XIRP2: variants seen among roughly 807,000 people sequenced by gnomAD.
The protein encoded by XIRP2 is xin actin binding repeat containing 2.
XIRP2 carries 236 observed loss-of-function variants against 277.0 expected under a neutral mutation model. That is an observed-to-expected ratio of 0.85 (90% confidence interval 0.77 to 0.95). XIRP2 has a LOEUF of 0.95. XIRP2 is among the 40% of genes least tolerant of loss of function. The pLI, the probability that XIRP2 is intolerant of heterozygous loss-of-function variation, is 0.00. For missense variants in XIRP2, 4,640 were observed against 4,157.5 expected (o/e 1.12, Z -3.19); for synonymous variants, 1,490 against 1,416.5 (o/e 1.05, Z -1.17).
chr2:167,069,120 G>A (rs2105248558), intron 2 of XIRP2, among the ~76,000 whole-genome samples: 1 of 152,182 alleles, frequency 6.6e-6, no homozygotes, highest in South Asian at 2.1e-4. Flanking sequence ...ACATCCTTCT[G>A]TATACTTTAA....
intron 2 of XIRP2, among the ~76,000 whole-genome samples, chr2:167,133,544 C>A (rs1691446660): frequency 6.6e-6 from 1 of 152,198 alleles, no homozygotes; most frequent in African/African-American, 2.4e-5. Flanking sequence ...GAAATTTAAT[C>A]AAATCACATT....
At chr2:167,174,653 T>C (rs1446274256) in intron 3 of XIRP2, among the ~76,000 whole-genome samples, 2 of 152,188 alleles carry the variant, frequency 1.3e-5, no homozygotes, top group African/African-American at 4.8e-5. Flanking sequence ...TGTCTTCTGC[T>C]AGCTTTTGAA....
At chr2:166,977,323 G>T (rs544305781) in intron 2 of XIRP2, among the ~76,000 whole-genome samples, 1 of 151,992 alleles carries the variant, frequency 6.6e-6, no homozygotes, top group Non-Finnish European at 1.5e-5. Context: ...ACCCATTCTC[G>T]CAGTCAGCAT....
intron 2 of XIRP2, among the ~76,000 whole-genome samples, chr2:167,123,437 G>C (rs1321972296): frequency 6.6e-6 from 1 of 152,174 alleles, no homozygotes; most frequent in African/African-American, 2.4e-5. Flanking sequence ...GTACTGGTTT[G>C]CTAGGGGTGC....
intron 3 of XIRP2, among the ~76,000 whole-genome samples, chr2:167,203,018 C>T (rs1452062093): frequency 2.0e-5 from 3 of 152,106 alleles, no homozygotes; most frequent in South Asian, 2.1e-4. Context: ...TTGCATCTCC[C>T]GTCTCAATGC....
chr2:167,022,949 T>C (rs1445031559), intron 2 of XIRP2, among the ~76,000 whole-genome samples: 2 of 152,190 alleles, frequency 1.3e-5, no homozygotes, highest in Non-Finnish European at 2.9e-5. Context: ...GCATGATTTA[T>C]AGTCCTTTGG....
chr2:167,049,620 A>G lies in XIRP2; in HGVS notation c.409-86289A>G, dbSNP rs73012291. On this transcript the variant is annotated intron_variant, in intron 2 of 10. Coordinates refer to ENST00000409195, the MANE Select transcript of XIRP2 (RefSeq NM_152381.6). The stretch of plus-strand genomic sequence containing the variant: ...GCGCTTATAACCTTTTTGTCCATCT[A>G]TTGAGAATTCTCTGCACAGAAACTA... 4.1e-3 allele frequency among the ~76,000 whole-genome samples: 618 copies of G among 152,120 alleles called. 4 individuals carry two copies. The highest frequency in any genetic ancestry group is 0.014 in the African/African-American group (598 of 41,534).
chr2:167,203,401 C>A (rs1347832566), intron 3 of XIRP2, among the ~76,000 whole-genome samples: 6 of 152,068 alleles, frequency 3.9e-5, no homozygotes, highest in Non-Finnish European at 7.4e-5. Flanking sequence ...CCCAAATAAT[C>A]AAATGAATGG....
chr2:167,211,350 C>A (rs1694040921), intron 4 of XIRP2, among the ~76,000 whole-genome samples: 1 of 152,274 alleles, frequency 6.6e-6, no homozygotes, highest in South Asian at 2.1e-4. Context: ...CCGCATCAGC[C>A]TCCCAAAGTG....
At chr2:167,060,925 A>G (rs1689158247) in intron 2 of XIRP2, among the ~76,000 whole-genome samples, 1 of 152,130 alleles carries the variant, frequency 6.6e-6, no homozygotes, top group South Asian at 2.1e-4. Flanking sequence ...AAAGATTTTC[A>G]TGAGATTGCA....
intron 2 of XIRP2, among the ~76,000 whole-genome samples, chr2:166,943,262 A>T (rs1194998401): frequency 6.6e-6 from 1 of 152,190 alleles, no homozygotes; most frequent in African/African-American, 2.4e-5. Flanking sequence ...GCAAAAATAG[A>T]TAATATATAA....
In XIRP2 at chr2:167,122,433, G is replaced by C. The variant is rs374461590; in HGVS notation, c.409-13476G>C. Among the ~76,000 whole-genome samples the C allele has an allele frequency of 7.2e-5, 11 of 152,220 alleles. No individual in the cohort carries two copies. The East Asian group carries it at 9.7e-4, about 13-fold the overall frequency. ...TTCTAGGAGAAGCAAGGATGAAAAG[G>C]CTTATTCTGCAGAGAAATAACAGGC... On this transcript the variant is annotated intron_variant, in intron 2 of 10. Coordinates refer to ENST00000409195, the MANE Select transcript of XIRP2 (RefSeq NM_152381.6).
At position 166,956,247 on chromosome 2, in the gene XIRP2, G is replaced by A. The variant is rs144489690; in HGVS notation, c.408+52357G>A. 3.8e-3 allele frequency among the ~76,000 whole-genome samples: 576 copies of A among 151,922 alleles called. 5 individuals are homozygous for A. Among genetic ancestry groups the A allele is most frequent in the African/African-American group, 0.013 (557 of 41,502 alleles). ...AGTGATGTGATTGGTCATTGATTAT[G>A]ATGAGCATTTTTTTGTGTGTAGTGA... On this transcript the variant is annotated intron_variant, in intron 2 of 10. Transcript: ENST00000409195.
intron 2 of XIRP2, chr2:167,124,042 A>C (rs1691130706): frequency 6.6e-6 from 1 of 152,184 alleles, no homozygotes; most frequent in Admixed American, 6.6e-5. Context: ...AGGATTGATA[A>C]AATCATAAAT....
chr2:167,252,974 AAC>A, intron 9 of XIRP2, among the ~76,000 whole-genome samples: 1 of 151,902 alleles, frequency 6.6e-6, no homozygotes, highest in African/African-American at 2.4e-5. Context: ...ATAGCTCAAA[AAC>A]ACATAGAACA....
intron 2 of XIRP2, among the ~76,000 whole-genome samples, chr2:166,952,755 T>C (rs2105397797): frequency 6.6e-6 from 1 of 152,136 alleles, no homozygotes; most frequent in South Asian, 2.1e-4. Context: ...GTTCTAAAAG[T>C]CTCATTTCAA....
intron 2 of XIRP2, among the ~76,000 whole-genome samples, chr2:167,099,465 C>T (rs1417422148): frequency 1.3e-5 from 2 of 152,154 alleles, no homozygotes; most frequent in Admixed American, 6.5e-5. Flanking sequence ...GTGGGATCAA[C>T]TGAGCAAGAC....
chr2:167,074,023 G>A (rs1250902749), intron 2 of XIRP2, among the ~76,000 whole-genome samples: 1 of 152,120 alleles, frequency 6.6e-6, no homozygotes, highest in African/African-American at 2.4e-5. Context: ...GATACTCCAT[G>A]AGACACTATT....
intron 3 of XIRP2, among the ~76,000 whole-genome samples, chr2:167,153,576 A>G (rs1169801419): frequency 1.3e-5 from 2 of 150,798 alleles, no homozygotes; most frequent in African/African-American, 4.9e-5. Context: ...ACCCCACAAC[A>G]GTCCCCAGAG....
Sources: allele counts gnomAD v4.1 joint callset (sites outside exome capture counted in the v4.1 genomes callset), GRCh38; gene constraint gnomAD v4.1.1; transcripts MANE v1.5; gene names NCBI Gene and HGNC (gene_info 2026-07-23, HGNC 2026-07-21).